NHS: variants seen among roughly 807,000 people sequenced by gnomAD.
The protein encoded by NHS is actin remodeling regulator NHS.
In NHS, 5 loss-of-function variants were observed where a neutral mutation model predicts 72.5. The observed-to-expected ratio is 0.07, with a 90% CI of 0.04 to 0.14. The LOEUF (loss-of-function observed/expected upper bound fraction) is 0.14, where lower values mean the gene tolerates loss of function less well. NHS is among the 10% of genes least tolerant of loss of function. The probability of loss-of-function intolerance (pLI) is 1.00; values close to 1 mark genes in which losing one functional copy is unlikely to be tolerated. For synonymous variants in NHS, 464 were observed against 547.7 expected (o/e 0.85, Z 2.13); for missense variants, 1,072 against 1,355.7 (o/e 0.79, Z 3.29).
At chrX:17,430,378 T>C (rs1028466479) in intron 1 of NHS, among the ~76,000 whole-genome samples, 2 of 98,198 alleles carry the variant, frequency 2.0e-5, no homozygotes, top group Non-Finnish European at 4.1e-5. Context: ...CTTTCCTTCT[T>C]TCTTTCTTTT....
chrX:17,602,766 T>G (rs1440614176), intron 1 of NHS, among the ~76,000 whole-genome samples: 1 of 109,593 alleles, frequency 9.1e-6, no homozygotes, highest in Non-Finnish European at 1.9e-5. Context: ...TTATGGTTCT[T>G]TTTTTTTACA....
chrX:17,408,942 C>G (rs1319299132), intron 1 of NHS, among the ~76,000 whole-genome samples: 1 of 103,527 alleles, frequency 9.7e-6, no homozygotes, highest in Non-Finnish European at 1.9e-5. Flanking sequence ...GAGGGAGAAA[C>G]CGACGGAGAG....
intron 1 of NHS, chrX:17,528,360 C>A (rs893692362): frequency 8.9e-6 from 1 of 112,064 alleles, no homozygotes; most frequent in Non-Finnish European, 1.9e-5. Context: ...TCTCTCTCTT[C>A]TTCCTCAAGA....
At chrX:17,656,363 G>C (rs752977083) in intron 1 of NHS, among the ~76,000 whole-genome samples, 3 of 113,534 alleles carry the variant, frequency 2.6e-5, no homozygotes, top group East Asian at 5.6e-4. Flanking sequence ...CAGGCCATGC[G>C]GGTGTGTGAG....
intron 1 of NHS, among the ~76,000 whole-genome samples, chrX:17,421,047 G>C (rs1348145019): frequency 9.1e-6 from 1 of 110,343 alleles, no homozygotes; most frequent in Non-Finnish European, 1.9e-5. Context: ...GAATTTACTG[G>C]TTTTAAAAGT....
chrX:17,396,640 C>A (rs1485874342), intron 1 of NHS, among the ~76,000 whole-genome samples: 1 of 111,545 alleles, frequency 9.0e-6, no homozygotes, highest in African/African-American at 3.3e-5. Context: ...CATTTATAAA[C>A]AAAGTGATGC....
At chrX:17,418,991 T>TCC (rs2146864511) in intron 1 of NHS, among the ~76,000 whole-genome samples, 1 of 112,694 alleles carries the variant, frequency 8.9e-6, no homozygotes, top group South Asian at 3.7e-4. Flanking sequence ...CTCTTGTGTA[T>TCC]GTATTTGTGG....
intron 8 of NHS, among the ~76,000 whole-genome samples, chrX:17,730,049 A>G (rs1280722339): frequency 8.9e-6 from 1 of 112,103 alleles, no homozygotes; most frequent in Admixed American, 9.4e-5. Context: ...TAGCAGGCAT[A>G]CTTCTCTACT....
intron 1 of NHS, among the ~76,000 whole-genome samples, chrX:17,623,150 G>A (rs192573811): frequency 1.5e-3 from 170 of 110,881 alleles, no homozygotes; most frequent in African/African-American, 5.5e-3. Flanking sequence ...TGTTGACCAG[G>A]CTGGTCTCAA....
At chrX:17,411,891 A>T (rs1369291624) in intron 1 of NHS, among the ~76,000 whole-genome samples, 1 of 111,516 alleles carries the variant, frequency 9.0e-6, no homozygotes, top group East Asian at 2.8e-4. Flanking sequence ...TGTAAGGGGT[A>T]AGTGATTGTT....
chrX:17,516,458 G>C (rs866449428), intron 1 of NHS, among the ~76,000 whole-genome samples: 5 of 110,257 alleles, frequency 4.5e-5, no homozygotes, highest in Non-Finnish European at 7.6e-5. Context: ...TTCTTTCCAG[G>C]GTCTGGCTTC....
chrX:17,609,048 C>A (rs1336823303), intron 1 of NHS, among the ~76,000 whole-genome samples: 3 of 111,657 alleles, frequency 2.7e-5, no homozygotes, highest in Non-Finnish European at 5.6e-5. Context: ...AGTGCTCAGA[C>A]CATACAGTTG....
intron 1 of NHS, among the ~76,000 whole-genome samples, chrX:17,630,219 T>C (rs1309978223): frequency 1.0e-5 from 1 of 99,832 alleles, no homozygotes; most frequent in African/African-American, 3.7e-5. Flanking sequence ...TTGTATCGCA[T>C]TCTGAAACTC....
chrX:17,450,890 G>GA (rs745490121), intron 1 of NHS, among the ~76,000 whole-genome samples: 2 of 110,365 alleles, frequency 1.8e-5, no homozygotes, highest in East Asian at 5.7e-4. Flanking sequence ...AACAAAACAA[G>GA]AAAAAAAACT....
chrX:17,465,340 A>T (rs1178952825), intron 1 of NHS, among the ~76,000 whole-genome samples: 2 of 111,848 alleles, frequency 1.8e-5, no homozygotes, highest in Non-Finnish European at 3.8e-5. Flanking sequence ...AAGGAATTAA[A>T]GAAGCACTTT....
intron 1 of NHS, among the ~76,000 whole-genome samples, chrX:17,674,483 T>C (rs2066068079): frequency 8.9e-6 from 1 of 112,103 alleles, no homozygotes; most frequent in African/African-American, 3.2e-5. Flanking sequence ...TTTCATAGGG[T>C]TCAACCTAGT....
chrX:17,406,246 C>G (rs1324877401), intron 1 of NHS, among the ~76,000 whole-genome samples: 2 of 111,557 alleles, frequency 1.8e-5, no homozygotes, highest in Non-Finnish European at 3.8e-5. Context: ...TTTCCCAAGA[C>G]CACGTGGCTG....
intron 1 of NHS, chrX:17,585,812 T>C (rs1028821068): frequency 8.4e-5 from 9 of 106,987 alleles, no homozygotes; most frequent in Non-Finnish European, 1.7e-4. Context: ...GATGAGCTGA[T>C]GGAAGATCGA....
intron 1 of NHS, chrX:17,528,350 TCTCTC>T (rs935150886): frequency 5.4e-5 from 6 of 111,887 alleles, no homozygotes; most frequent in African/African-American, 9.8e-5. Flanking sequence ...GGCTCCTCCC[TCTCTC>T]TCTTCTTCCT....
Sources: allele counts gnomAD v4.1 joint callset (sites outside exome capture counted in the v4.1 genomes callset), GRCh38; gene constraint gnomAD v4.1.1; transcripts MANE v1.5; gene names NCBI Gene and HGNC (gene_info 2026-07-23, HGNC 2026-07-21).